Variants in DGKB observed in about 807,000 individuals in gnomAD.
DGKB encodes diacylglycerol kinase beta, also known as 90 kDa diacylglycerol kinase.
Under a neutral mutation model 114.3 loss-of-function variants are expected in DGKB, and 67 were observed. That is an observed-to-expected ratio of 0.59 (90% CI 0.48 to 0.72). DGKB has a LOEUF of 0.72. Among genes scored for constraint, DGKB ranks in the 30% least tolerant of loss-of-function variants. The pLI, the probability that DGKB is intolerant of heterozygous loss-of-function variation, is 0.00. For synonymous variants in DGKB, 398 were observed against 323.1 expected, an observed-to-expected ratio of 1.23 and a Z score of -2.49; for missense variants, 907 against 975.2, an observed-to-expected ratio of 0.93 and a Z score of 0.93.
Position 14,706,395 on chromosome 7 carries a change from T to G in DGKB, c.467-4665A>C, listed in dbSNP as rs1411933237. On this transcript the variant is annotated intron_variant, in intron 6 of 25. Transcript: ENST00000402815. Reference sequence around the variant, plus strand: ...GACTTTAACACCCCACTGTCAACATTAGACAGATCAACGAGACAGAAAGTC... The same window carrying G: ...GACTTTAACACCCCACTGTCAACATGAGACAGATCAACGAGACAGAAAGTC... Among the ~76,000 whole-genome samples the G allele has an allele frequency of 5.0e-3, 733 of 146,312 alleles. 4 individuals are homozygous for G. The highest frequency in any genetic ancestry group is 0.018 in the African/African-American group (700 of 39,502).
chr7:14,157,054 C>G (rs1043445433), intron 25 of DGKB, among the ~76,000 whole-genome samples: 2 of 152,072 alleles, frequency 1.3e-5, no homozygotes, highest in Non-Finnish European at 2.9e-5. Context: ...AAATTTTCTC[C>G]CTGCTTCATC....
intron 23 of DGKB, among the ~76,000 whole-genome samples, chr7:14,278,991 T>G (rs934428810): frequency 6.6e-6 from 1 of 151,662 alleles, no homozygotes; most frequent in Admixed American, 6.6e-5. Context: ...CACTAGGGAG[T>G]GCCAGACAGT....
chr7:14,799,409 T>C (rs145145612), intron 2 of DGKB, among the ~76,000 whole-genome samples: 2 of 152,356 alleles, frequency 1.3e-5, no homozygotes, highest in Non-Finnish European at 2.9e-5. Flanking sequence ...GATGACATCA[T>C]GCTAACTGGA....
At chr7:14,498,128 T>A (rs941242469) in intron 20 of DGKB, among the ~76,000 whole-genome samples, 12 of 151,908 alleles carry the variant, frequency 7.9e-5, no homozygotes, top group African/African-American at 2.9e-4. Flanking sequence ...GGTATGTAAT[T>A]TATATCTATT....
chr7:14,757,514 A>G (rs906442426), intron 3 of DGKB, 141 bp downstream of exon 3: 5 of 540,342 alleles, frequency 9.3e-6, no homozygotes, highest in Admixed American at 3.6e-5. Flanking sequence ...ATATACATAC[A>G]TCTGTATCAT....
At chr7:14,627,249 T>C (rs1329780067) in intron 14 of DGKB, among the ~76,000 whole-genome samples, 1 of 152,152 alleles carries the variant, frequency 6.6e-6, no homozygotes, top group African/African-American at 2.4e-5. Context: ...TGTGGTGATT[T>C]GGGTGGTGTC....
At chr7:14,636,280 A>T (rs779998897) in intron 13 of DGKB, among the ~76,000 whole-genome samples, 59 of 151,728 alleles carry the variant, frequency 3.9e-4, no homozygotes, top group Non-Finnish European at 6.9e-4. Flanking sequence ...CCGACCATAT[A>T]ATTAGAATAT....
chr7:14,404,719 C>T (rs575056241), intron 21 of DGKB, among the ~76,000 whole-genome samples: 1 of 151,952 alleles, frequency 6.6e-6, no homozygotes, highest in South Asian at 2.1e-4. Context: ...CTCCTCTATA[C>T]CAGAAGTGTT....
intron 4 of DGKB, among the ~76,000 whole-genome samples, chr7:14,740,947 G>GAAGAGA (rs1255577924): frequency 6.6e-6 from 1 of 152,160 alleles, no homozygotes; most frequent in South Asian, 2.1e-4. Flanking sequence ...CATTCGATAG[G>GAAGAGA]AAGAGAAAGG....
chr7:14,536,502 T>A (rs2128607100), intron 20 of DGKB, among the ~76,000 whole-genome samples: 1 of 152,256 alleles, frequency 6.6e-6, no homozygotes, highest in Non-Finnish European at 1.5e-5. Flanking sequence ...GCAAGGACAA[T>A]TTAACACATG....
intron 6 of DGKB, among the ~76,000 whole-genome samples, chr7:14,710,392 A>C (rs895453016): frequency 6.6e-6 from 1 of 152,126 alleles, no homozygotes; most frequent in African/African-American, 2.4e-5. Context: ...ACACTTATTA[A>C]TTCAAGTACT....
intron 20 of DGKB, among the ~76,000 whole-genome samples, chr7:14,511,233 C>T (rs951811010): frequency 1.3e-5 from 2 of 152,178 alleles, no homozygotes; most frequent in Non-Finnish European, 1.5e-5. Flanking sequence ...TCTGTTTTGT[C>T]TACATTGAAA....
At position 14,508,050 on chromosome 7, in the gene DGKB, C is replaced by T. The variant is rs559847862; in HGVS notation, c.1771-29825G>A. 4.6e-5 allele frequency among the ~76,000 whole-genome samples: 7 copies of T among 152,244 alleles called. No homozygotes were observed. In the South Asian group the frequency reaches 1.2e-3, roughly 27 times the overall value. On this transcript the variant is annotated intron_variant, in intron 20 of 25. Coordinates refer to ENST00000402815, the MANE Select transcript of DGKB (RefSeq NM_001350709.2). Reference sequence around the variant, plus strand: ...GTTGGTGTTTAGTCTTTCGTCTTTACCCAGATGACTTCTCAATAGACAATC... The same window carrying T: ...GTTGGTGTTTAGTCTTTCGTCTTTATCCAGATGACTTCTCAATAGACAATC...
chr7:14,343,528 A>ATT (rs1025895542), intron 22 of DGKB, among the ~76,000 whole-genome samples: 7 of 149,278 alleles, frequency 4.7e-5, no homozygotes, highest in Non-Finnish European at 7.5e-5. Context: ...TTTCTTAAAG[A>ATT]TTTTTTTTTT....
At chr7:14,573,628 T>C (rs1303967082) in intron 20 of DGKB, among the ~76,000 whole-genome samples, 1 of 152,072 alleles carries the variant, frequency 6.6e-6, no homozygotes, top group African/African-American at 2.4e-5. Flanking sequence ...AAAATCACTA[T>C]TAAAATTATT....
At chr7:14,857,380 C>G (rs1850334833) in intron 1 of DGKB, among the ~76,000 whole-genome samples, 1 of 151,878 alleles carries the variant, frequency 6.6e-6, no homozygotes, top group Non-Finnish European at 1.5e-5. Context: ...TTTCTCTAGT[C>G]AAACTTTCAG....
chr7:14,167,886 C>A (rs77285268), intron 25 of DGKB, among the ~76,000 whole-genome samples: 2,183 of 152,090 alleles, frequency 0.014, 52 homozygotes, highest in African/African-American at 0.049. Context: ...TCTTATAACA[C>A]AATATTAAAA....
chr7:14,722,590 G>A (rs1829356863), intron 5 of DGKB, among the ~76,000 whole-genome samples: 1 of 152,058 alleles, frequency 6.6e-6, no homozygotes. Context: ...GAGGTGGGAG[G>A]ATCACAAGGT....
chr7:14,373,834 G>A (rs952983506), intron 21 of DGKB, among the ~76,000 whole-genome samples: 16 of 151,938 alleles, frequency 1.1e-4, no homozygotes, highest in South Asian at 4.1e-4. Flanking sequence ...TGATGGGCCC[G>A]TGCTTTCATT....
Sources: gnomAD v4.1 joint callset for allele counts (sites outside exome capture counted in the v4.1 genomes callset) on GRCh38, gnomAD v4.1.1 for gene constraint, MANE v1.5 for transcripts, NCBI Gene and HGNC (gene_info 2026-07-23, HGNC 2026-07-21) for gene names.